DUSP3: variants seen among roughly 807,000 people sequenced by gnomAD.
DUSP3 encodes the protein dual specificity phosphatase 3, also known as dual specificity protein phosphatase 3.
Under a neutral mutation model 15.5 loss-of-function variants are expected in DUSP3, and 7 were observed. That is an observed-to-expected ratio of 0.45 (90% CI 0.26 to 0.85). The LOEUF is 0.85. DUSP3 is among the 40% of genes least tolerant of loss of function. DUSP3 has a pLI of 0.18. For missense variants in DUSP3, 209 were observed against 251.7 expected, an observed-to-expected ratio of 0.83 and a Z score of 1.15; for synonymous variants, 86 against 104.2, an observed-to-expected ratio of 0.83 and a Z score of 1.07.
intron 1 of DUSP3, chr17:43,777,462 C>A (rs1974403464): frequency 2.2e-6 from 1 of 455,178 alleles, no homozygotes; most frequent in East Asian, 6.9e-5. Context: ...CCATGATGAC[C>A]CCCATTTCCG....
At chr17:43,773,076 T>C (rs1974338703) in intron 2 of DUSP3, among the ~76,000 whole-genome samples, 1 of 151,808 alleles carries the variant, frequency 6.6e-6, no homozygotes, top group South Asian at 2.1e-4. Flanking sequence ...GTGAGCAGGG[T>C]TGGGGGGTGA....
rs887550672 is a variant in DUSP3, at chr17:43,766,366, A to G, written c.*3243T>C. ...CAACCGGAAATGTCTTCTATTTCCA[A>G]TCAGGATAAAACCTTGACTTACTTG... On this transcript the variant is annotated 3_prime_UTR_variant, in exon 3 of 3. Coordinates refer to ENST00000226004, the MANE Select transcript of DUSP3 (RefSeq NM_004090.4). The G allele has an allele frequency of 2.0e-5, 3 of 152,242 alleles. No individual in the cohort carries two copies. Among genetic ancestry groups the G allele is most frequent in the African/African-American group, 7.2e-5 (3 of 41,456 alleles). The allele number at this position is 152,242 out of a possible 1,614,324, so 9.4% of individuals were successfully genotyped here. A position where few individuals can be genotyped will look rare whatever the true frequency, so the allele number is the denominator to read the frequency against.
intron 1 of DUSP3, chr17:43,777,743 C>A: frequency 3.6e-6 from 1 of 277,214 alleles, no homozygotes; most frequent in Admixed American, 4.5e-5. Flanking sequence ...CTAATATATT[C>A]TTTCTTGAGG....
In DUSP3 at chr17:43,778,791, G is replaced by A. The variant is rs756135518; in HGVS notation, c.125+9C>T. On this transcript the variant is annotated intron_variant, in intron 1 of 2. Transcript: ENST00000226004. ...GGACGGCGGGGCCGGGCTCGCGAAA[G>A]GGACTCACGCGTTGCCCACGTAGAT... 5 of 1,523,588 alleles carry A rather than the reference G, an allele frequency of 3.3e-6. No individual in the cohort carries two copies. The highest frequency in any genetic ancestry group is 2.9e-5 in the African/African-American group (2 of 69,682). The allele number at this position is 1,523,588 out of a possible 1,614,324, so 94.4% of individuals were successfully genotyped here.
intron 2 of DUSP3, among the ~76,000 whole-genome samples, chr17:43,773,414 T>C (rs1224901730): frequency 6.6e-6 from 1 of 152,216 alleles, no homozygotes; most frequent in East Asian, 1.9e-4. Flanking sequence ...GTCTGCTTTG[T>C]GGCCTTCTAG....
Position 43,775,072 on chromosome 17 carries a change from G to A in DUSP3, c.126-134C>T, listed in dbSNP as rs548774471. On this transcript the variant is annotated intron_variant, in intron 1 of 2. Transcript: ENST00000226004. The stretch of plus-strand genomic sequence containing the variant: ...GCTCTGGCCCCTGCCAGCTTCTCCT[G>A]CCTCATCTTATGACCTCTTCCCTCA... 160 of 862,950 alleles carry A rather than the reference G, an allele frequency of 1.9e-4. 3 individuals are homozygous for A. The South Asian group carries it at 2.3e-3, about 12-fold the overall frequency. The allele number at this position is 862,950 out of a possible 1,614,324, so 53.5% of individuals were successfully genotyped here.
intron 2 of DUSP3, among the ~76,000 whole-genome samples, chr17:43,770,421 G>GTCGAGGTGGGCGGAT (rs1293645543): frequency 2.0e-5 from 3 of 152,172 alleles, no homozygotes. Flanking sequence ...ACTTTGGGAG[G>GTCGAGGTGGGCGGAT]CCAAGGCAAC....
rs1974369728 is a variant in DUSP3 at position 43,775,006 on chromosome 17, G to A, written c.126-68C>T. 5 of 1,524,018 alleles carry A rather than the reference G, an allele frequency of 3.3e-6. No individual in the cohort carries two copies. The African/African-American group carries it at 5.5e-5, about 17-fold the overall frequency. 94.4% of individuals were successfully genotyped at this position (1,524,018 alleles called of 1,614,324 possible). A position where few individuals can be genotyped will look rare whatever the true frequency, so the allele number is the denominator to read the frequency against. On this transcript the variant is annotated intron_variant, in intron 1 of 2. Transcript: ENST00000226004. ...GCAGCCCCAGGGGGAGGAAGATGGA[G>A]AAGGATTTAAGCCTCTTAGCAAAGC...
Position 43,777,756 on chromosome 17 carries a change from C to T in DUSP3, c.125+1044G>A, listed in dbSNP as rs550243003. ...TGCTAATATATTCTTTCTTGAGGCT[C>T]CTATTTCACATCTCAGAATGTTAAC... is the stretch of plus-strand genomic sequence containing the variant. On this transcript the variant is annotated intron_variant, in intron 1 of 2. Coordinates refer to ENST00000226004, the MANE Select transcript of DUSP3 (RefSeq NM_004090.4). 18 of 256,270 alleles carry T rather than the reference C, an allele frequency of 7.0e-5. No homozygotes were observed. In the East Asian group the frequency reaches 1.2e-3, roughly 17 times the overall value. 15.9% of individuals were successfully genotyped at this position (256,270 alleles called of 1,614,324 possible). A position where few individuals can be genotyped will look rare whatever the true frequency, so the allele number is the denominator to read the frequency against.
intron 1 of DUSP3, 116 bp from the exon 2 acceptor site, chr17:43,775,054 C>T (rs1974370354): frequency 9.7e-7 from 1 of 1,027,894 alleles, no homozygotes; most frequent in South Asian, 1.3e-5. Context: ...CATGCTCTGG[C>T]CCCTGCCAGC....
At chr17:43,777,225 G>A (rs929057609) in intron 1 of DUSP3, among the ~76,000 whole-genome samples, 5 of 152,106 alleles carry the variant, frequency 3.3e-5, no homozygotes, top group Admixed American at 6.5e-5. Context: ...CACCCGCCTC[G>A]GCCTCCCAAA....
chr17:43,773,868 G>A (rs900060051), intron 2 of DUSP3: 1 of 159,094 alleles, frequency 6.3e-6, no homozygotes, highest in African/African-American at 2.4e-5. Context: ...GGGAGGCAGA[G>A]GGAGGCGGAT....
At chr17:43,778,589 G>A (rs1974420205) in intron 1 of DUSP3, among the ~76,000 whole-genome samples, 1 of 152,182 alleles carries the variant, frequency 6.6e-6, no homozygotes, top group Admixed American at 6.5e-5. Context: ...GGGAAGGGCC[G>A]CGCCCGGCCA....
At chr17:43,777,682 C>A in intron 1 of DUSP3, 1 of 387,406 alleles carries the variant, frequency 2.6e-6, no homozygotes, top group Non-Finnish European at 5.2e-6. Flanking sequence ...ACTGGGTCCT[C>A]AGAGTATCGT....
chr17:43,770,752 G>C (rs888389494), intron 2 of DUSP3, among the ~76,000 whole-genome samples: 40 of 151,428 alleles, frequency 2.6e-4, no homozygotes, highest in Admixed American at 5.9e-4. Flanking sequence ...CAGGGTGCTG[G>C]TAGTGTTTTG....
At chr17:43,777,262 C>A (rs111759049) in intron 1 of DUSP3, among the ~76,000 whole-genome samples, 1 of 152,190 alleles carries the variant, frequency 6.6e-6, no homozygotes, top group African/African-American at 2.4e-5. Flanking sequence ...CGTGAGCCAT[C>A]GTGCCAGGCC....
rs910826957 is a variant in DUSP3, at chr17:43,777,512, G to C, written c.125+1288C>G. 2.2e-5 allele frequency: 10 copies of C among 455,834 alleles called. No individual in the cohort carries two copies. In the Admixed American group the frequency reaches 2.4e-4, roughly 11 times the overall value. 28.2% of individuals were successfully genotyped at this position (455,834 alleles called of 1,614,324 possible). ...AGGCTAAACAGCAGGTCATAGCGGAGGTCAGGAAATACATACATGAACAAG... is the reference window on the plus strand; with the variant it reads ...AGGCTAAACAGCAGGTCATAGCGGACGTCAGGAAATACATACATGAACAAG... On this transcript the variant is annotated intron_variant, in intron 1 of 2. Coordinates refer to ENST00000226004, the MANE Select transcript of DUSP3 (RefSeq NM_004090.4).
Position 43,774,958 on chromosome 17 carries a change from G to A in DUSP3, c.126-20C>T, listed in dbSNP as rs1974368855. 2 of 1,612,434 alleles carry A rather than the reference G, an allele frequency of 1.2e-6. No individual in the cohort carries two copies. Among genetic ancestry groups the A allele is most frequent in the African/African-American group, 1.3e-5 (1 of 74,992 alleles). On this transcript the variant is annotated intron_variant, in intron 1 of 2. Transcript: ENST00000226004. The stretch of plus-strand genomic sequence containing the variant: ...ACAGACCTGGACAGGAGACAGTGGT[G>A]GGGATGATTAACCAACCAAATGGCA...
At chr17:43,770,107 C>T (rs1974295921) in intron 2 of DUSP3, among the ~76,000 whole-genome samples, 1 of 152,176 alleles carries the variant, frequency 6.6e-6, no homozygotes, top group Non-Finnish European at 1.5e-5. Context: ...CCCTCTGGCC[C>T]AGCAATCCCA....
Sources: gnomAD v4.1 joint callset for allele counts (sites outside exome capture counted in the v4.1 genomes callset) on GRCh38, gnomAD v4.1.1 for gene constraint, MANE v1.5 for transcripts, NCBI Gene and HGNC (gene_info 2026-07-23, HGNC 2026-07-21) for gene names.